AP1B1: variants seen among roughly 807,000 people sequenced by gnomAD.
AP1B1 encodes adaptor related protein complex 1 subunit beta 1, also known as AP-1 complex subunit beta-1.
A neutral mutation model predicts 104.3 loss-of-function variants in AP1B1; 36 were observed. That is an observed-to-expected ratio of 0.35 (90% CI 0.26 to 0.46). The LOEUF (loss-of-function observed/expected upper bound fraction) is 0.46, where lower values mean the gene tolerates loss of function less well. Among genes scored for constraint, AP1B1 ranks in the 20% least tolerant of loss-of-function variants. AP1B1 has a pLI of 1.00. For missense variants in AP1B1, 901 were observed against 1,247.9 expected (o/e 0.72, Z 4.19); for synonymous variants, 504 against 517.5 (o/e 0.97, Z 0.35).
At chr22:29,352,427 AT>A (rs1331276562) in intron 7 of AP1B1, among the ~76,000 whole-genome samples, 1 of 152,220 alleles carries the variant, frequency 6.6e-6, no homozygotes, top group Non-Finnish European at 1.5e-5. Flanking sequence ...GAAGTCTCAA[AT>A]AGGCTTTCCT....
chr22:29,330,309 C>T (rs748803629), intron 21 of AP1B1, 69 bp downstream of exon 21: 46 of 1,599,048 alleles, frequency 2.9e-5, no homozygotes, highest in Non-Finnish European at 3.8e-5. Context: ...CGTCCTCCAC[C>T]AGGGCCACCC....
At chr22:29,377,418 T>C (rs2062363034) in intron 1 of AP1B1, among the ~76,000 whole-genome samples, 1 of 152,112 alleles carries the variant, frequency 6.6e-6, no homozygotes, top group Admixed American at 6.6e-5. Flanking sequence ...ATCTGTGTTC[T>C]TTAGGCTCAG....
At chr22:29,342,852 C>T (rs1009402978) in intron 11 of AP1B1, among the ~76,000 whole-genome samples, 2 of 152,190 alleles carry the variant, frequency 1.3e-5, no homozygotes, top group Non-Finnish European at 2.9e-5. Context: ...TGGAACTATT[C>T]CTGGTGGCCC....
intron 1 of AP1B1, among the ~76,000 whole-genome samples, chr22:29,386,381 T>C (rs1164140165): frequency 1.3e-5 from 2 of 152,164 alleles, no homozygotes; most frequent in African/African-American, 4.8e-5. Context: ...TCCACTGACC[T>C]ACACTCAACA....
chr22:29,359,948 G>A lies in AP1B1; in HGVS notation c.155C>T (p.Pro52Leu). 6.2e-7 allele frequency: 1 copy of A among 1,613,088 alleles called. No homozygotes were observed. Among genetic ancestry groups the A allele is most frequent in the Non-Finnish European group, 8.5e-7 (1 of 1,179,546 alleles). ...TVGKDVSALF[P>L]DVVNCMQTDN... ...CGTCTGCATGCAGTTGACCACATCG[G>A]GGAAGAGGGCACTGGAAGGTCAAAA... Residue 52 changes from proline (P) to leucine (L), a missense_variant, in exon 4 of 23, where the codon CCC becomes CTC. By Grantham distance (98) the Pro-to-Leu change is moderately conservative. This residue lies in a region of AP1B1 where 471 missense variants were observed against 696.7 expected (regional missense o/e 0.68). Coordinates refer to ENST00000357586, the MANE Select transcript of AP1B1 (RefSeq NM_001127.4).
chr22:29,359,978 G>A lies in AP1B1; in HGVS notation c.144-19C>T, dbSNP rs2062018461. The A allele has an allele frequency of 1.2e-6, 2 of 1,609,126 alleles. No individual in the cohort carries two copies. The highest frequency in any genetic ancestry group is 1.1e-5 in the South Asian group (1 of 89,842). Reference sequence around the variant, plus strand: ...GAGGGCACTGGAAGGTCAAAATGGTGTCAGCATGGGAAAGGCTGAACAAAG... The same window carrying A: ...GAGGGCACTGGAAGGTCAAAATGGTATCAGCATGGGAAAGGCTGAACAAAG... On this transcript the variant is annotated intron_variant, in intron 3 of 22. Coordinates refer to ENST00000357586, the MANE Select transcript of AP1B1 (RefSeq NM_001127.4).
At chr22:29,356,364 T>G in intron 6 of AP1B1, 62 bp downstream of exon 6, 1 of 1,519,348 alleles carries the variant, frequency 6.6e-7, no homozygotes, top group African/African-American at 1.4e-5. Context: ...CAGTGCCTGG[T>G]TGGAGCCCCT....
chr22:29,377,589 T>C (rs993261105), intron 1 of AP1B1, among the ~76,000 whole-genome samples: 7 of 151,932 alleles, frequency 4.6e-5, no homozygotes, highest in African/African-American at 1.7e-4. Flanking sequence ...GGCTGGCAGA[T>C]CATGAGGTCA....
chr22:29,366,672 G>A (rs888418437), intron 2 of AP1B1, among the ~76,000 whole-genome samples: 5 of 151,826 alleles, frequency 3.3e-5, no homozygotes, highest in African/African-American at 4.8e-5. Flanking sequence ...AGCGGCGGGC[G>A]CATGTAATCC....
chr22:29,383,552 T>C (rs761789629), intron 1 of AP1B1, among the ~76,000 whole-genome samples: 3 of 151,706 alleles, frequency 2.0e-5, no homozygotes, highest in Non-Finnish European at 4.4e-5. Context: ...TTATTAAAAA[T>C]AGAAAAATTA....
intron 7 of AP1B1, among the ~76,000 whole-genome samples, chr22:29,353,335 G>A (rs934363586): frequency 4.6e-5 from 7 of 152,198 alleles, no homozygotes; most frequent in Admixed American, 2.6e-4. Flanking sequence ...CCCGAGCTGG[G>A]TAGCAGGAAG....
At chr22:29,372,282 G>A (rs771814448) in intron 1 of AP1B1, among the ~76,000 whole-genome samples, 1 of 151,824 alleles carries the variant, frequency 6.6e-6, no homozygotes, top group Non-Finnish European at 1.5e-5. Flanking sequence ...AAATTAGCCG[G>A]GCATGCTGGC....
chr22:29,354,628 G>T (rs372615566), intron 7 of AP1B1, 22 bp downstream of exon 7: 34 of 1,604,094 alleles, frequency 2.1e-5, no homozygotes, highest in African/African-American at 4.0e-5. Context: ...ACGCATGGAC[G>T]TGCGTGTGGT....
chr22:29,332,159 G>GCCTGAAGCCCAGCTCTGTT (rs2061571622), intron 17 of AP1B1: 2 of 437,048 alleles, frequency 4.6e-6, no homozygotes, highest in Non-Finnish European at 8.2e-6. Flanking sequence ...CTGGCTGCAG[G>GCCTGAAGCCCAGCTCTGTT]CCTGAAGCCC....
intron 11 of AP1B1, among the ~76,000 whole-genome samples, chr22:29,343,854 T>TA (rs1261431338): frequency 1.3e-5 from 2 of 152,124 alleles, no homozygotes; most frequent in African/African-American, 4.8e-5. Flanking sequence ...CTCACACCTG[T>TA]AATCCCAGCA....
At chr22:29,339,905 G>T in intron 14 of AP1B1, 131 bp from the exon 15 acceptor site, 1 of 1,025,530 alleles carries the variant, frequency 9.8e-7, no homozygotes, top group Non-Finnish European at 1.5e-6. Context: ...CCATCCGAGA[G>T]GAGTGTGGTG....
At position 29,380,673 on chromosome 22, in the gene AP1B1, G is replaced by C. The variant is rs143672919; in HGVS notation, c.-28+7751C>G. Among the ~76,000 whole-genome samples, 28 of 152,176 alleles carry C rather than the reference G, an allele frequency of 1.8e-4. No individual in the cohort carries two copies. The East Asian group carries it at 5.0e-3, about 27-fold the overall frequency. ...CCTATTGGATTCCGACCTTCAAAAT[G>C]AATCTAGAATCCATGAGCAGCTTCT... On this transcript the variant is annotated intron_variant, in intron 1 of 22. Coordinates refer to ENST00000357586, the MANE Select transcript of AP1B1 (RefSeq NM_001127.4).
intron 19 of AP1B1, 54 bp downstream of exon 19, chr22:29,331,395 T>G (rs2061555179): frequency 1.3e-6 from 2 of 1,567,160 alleles, no homozygotes; most frequent in Non-Finnish European, 1.8e-6. Flanking sequence ...CTTGGCCAGG[T>G]TCCCAAGCCA....
intron 11 of AP1B1, among the ~76,000 whole-genome samples, chr22:29,343,377 T>C (rs1476219350): frequency 1.3e-5 from 2 of 152,200 alleles, no homozygotes; most frequent in Non-Finnish European, 2.9e-5. Flanking sequence ...GGAGGGCACT[T>C]GTGCAGGGAA....
Sources: allele counts gnomAD v4.1 joint callset (sites outside exome capture counted in the v4.1 genomes callset), GRCh38; gene constraint gnomAD v4.1.1; regional missense constraint gnomAD v4.1.1; transcripts MANE v1.5; gene names NCBI Gene and HGNC (gene_info 2026-07-23, HGNC 2026-07-21).